The following AUTS2 variants were observed in gnomAD, a reference collection of about 807,000 sequenced individuals.
AUTS2 encodes the protein autism susceptibility gene 2 protein.
Under a neutral mutation model 112.4 loss-of-function variants are expected in AUTS2, and 17 were observed. That is an observed-to-expected ratio of 0.15 (90% confidence interval 0.10 to 0.23). The LOEUF is 0.23. Among genes scored for constraint, AUTS2 ranks in the 10% least tolerant of loss-of-function variants. The pLI, the probability that AUTS2 is intolerant of heterozygous loss-of-function variation, is 1.00. For missense variants in AUTS2, 1,510 were observed against 1,701.6 expected, an observed-to-expected ratio of 0.89 and a Z score of 1.98; for synonymous variants, 751 against 702.7, an observed-to-expected ratio of 1.07 and a Z score of -1.09.
chr7:70,698,772 C>T, intron 6 of AUTS2, 152 bp downstream of exon 6: 1 of 588,452 alleles, frequency 1.7e-6, no homozygotes. Context: ...TGGAAGTCTG[C>T]ATACTTTGTG....
At chr7:70,352,292 A>G (rs1791805069) in intron 4 of AUTS2, among the ~76,000 whole-genome samples, 1 of 152,154 alleles carries the variant, frequency 6.6e-6, no homozygotes, top group Non-Finnish European at 1.5e-5. Flanking sequence ...CTGTCTCTGA[A>G]AATCCTTGCT....
intron 2 of AUTS2, among the ~76,000 whole-genome samples, chr7:70,039,640 C>T (rs1221647206): frequency 1.3e-5 from 2 of 152,164 alleles, no homozygotes; most frequent in East Asian, 1.9e-4. Context: ...TGAATCATTG[C>T]ACCCGGCCTG....
intron 2 of AUTS2, among the ~76,000 whole-genome samples, chr7:70,069,025 TGGG>T (rs2129562083): frequency 6.6e-6 from 1 of 152,286 alleles, no homozygotes; most frequent in East Asian, 1.9e-4. Flanking sequence ...TCTAAAGCAT[TGGG>T]GGACTGACTA....
At chr7:69,973,454 T>C (rs1301236554) in intron 2 of AUTS2, among the ~76,000 whole-genome samples, 1 of 152,182 alleles carries the variant, frequency 6.6e-6, no homozygotes, top group Admixed American at 6.6e-5. Context: ...TGAGTAGAAC[T>C]TCTCATGCGG....
chr7:69,890,711 C>T (rs1346688289), intron 1 of AUTS2, among the ~76,000 whole-genome samples: 3 of 146,708 alleles, frequency 2.0e-5, no homozygotes, highest in Admixed American at 1.4e-4. Context: ...AAAAAAAATA[C>T]GAACTCTACC....
intron 4 of AUTS2, among the ~76,000 whole-genome samples, chr7:70,156,603 T>C (rs1235006179): frequency 2.0e-5 from 3 of 152,072 alleles, no homozygotes; most frequent in Non-Finnish European, 2.9e-5. Context: ...GGTGGTTGTA[T>C]AGTTGAGAAT....
intron 4 of AUTS2, among the ~76,000 whole-genome samples, chr7:70,167,902 G>T (rs1474298177): frequency 6.6e-6 from 1 of 152,116 alleles, no homozygotes; most frequent in Non-Finnish European, 1.5e-5. Context: ...CAGAAGTACA[G>T]TCTAGACTGC....
At chr7:69,942,052 G>C (rs969926434) in intron 2 of AUTS2, among the ~76,000 whole-genome samples, 1 of 152,156 alleles carries the variant, frequency 6.6e-6, no homozygotes, top group Non-Finnish European at 1.5e-5. Context: ...TTGAGAATAC[G>C]TAGAAAATTT....
intron 1 of AUTS2, among the ~76,000 whole-genome samples, chr7:69,752,562 G>T (rs1787785619): frequency 6.6e-6 from 1 of 152,090 alleles, no homozygotes; most frequent in South Asian, 2.1e-4. Context: ...AGTATTTAAG[G>T]TCAGAATCTT....
intron 1 of AUTS2, among the ~76,000 whole-genome samples, chr7:69,828,160 A>AG (rs937406777): frequency 7.9e-5 from 12 of 152,178 alleles, no homozygotes; most frequent in Non-Finnish European, 1.6e-4. Context: ...ACTTGAGTTC[A>AG]GGGGGGTACA....
At chr7:69,708,034 A>G (rs1321453404) in intron 1 of AUTS2, among the ~76,000 whole-genome samples, 1 of 152,098 alleles carries the variant, frequency 6.6e-6, no homozygotes, top group African/African-American at 2.4e-5. Context: ...GTTGCTTTAT[A>G]GGCTGTCTCT....
At chr7:69,873,078 G>C (rs1017337008) in intron 1 of AUTS2, among the ~76,000 whole-genome samples, 2 of 151,614 alleles carry the variant, frequency 1.3e-5, no homozygotes, top group Non-Finnish European at 2.9e-5. Flanking sequence ...CCTGACCTCA[G>C]CTGATCCGCC....
intron 5 of AUTS2, among the ~76,000 whole-genome samples, chr7:70,506,714 G>A (rs948956620): frequency 1.2e-4 from 18 of 152,236 alleles, no homozygotes; most frequent in Non-Finnish European, 1.8e-4. Context: ...CTGGGCTTGT[G>A]GGGACCCCTT....
rs1584724943 is a variant in AUTS2, at chr7:70,102,536, C to T, written c.523-15596C>T. Reference sequence around the variant, plus strand: ...TTATAGTTTCTTTGGTTAGATCACACACACACACACACACGTACGTATATG... The same window carrying T: ...TTATAGTTTCTTTGGTTAGATCACATACACACACACACACGTACGTATATG... On this transcript the variant is annotated intron_variant, in intron 2 of 18. Transcript: ENST00000342771. Among the ~76,000 whole-genome samples the T allele has an allele frequency of 2.0e-5, 3 of 152,016 alleles. No individual in the cohort carries two copies. The East Asian group carries it at 5.8e-4, about 29-fold the overall frequency.
At chr7:69,834,407 A>G (rs1329257723) in intron 1 of AUTS2, among the ~76,000 whole-genome samples, 3 of 152,154 alleles carry the variant, frequency 2.0e-5, no homozygotes, top group African/African-American at 7.2e-5. Context: ...AAGGCAGGCA[A>G]TGTTTCCAGA....
At chr7:70,788,609 C>T (rs997730918) in intron 18 of AUTS2, among the ~76,000 whole-genome samples, 25 of 152,318 alleles carry the variant, frequency 1.6e-4, no homozygotes, top group African/African-American at 2.4e-4. Flanking sequence ...CAGCCCTTTG[C>T]GTGTTTTTCT....
At chr7:70,317,102 G>A (rs1034619475) in intron 4 of AUTS2, 2 of 152,156 alleles carry the variant, frequency 1.3e-5, no homozygotes, top group African/African-American at 4.8e-5. Context: ...AACTCACCAG[G>A]TCACACTGGA....
chr7:69,907,677 A>G (rs944772297), intron 2 of AUTS2, among the ~76,000 whole-genome samples: 2 of 152,244 alleles, frequency 1.3e-5, no homozygotes, highest in Non-Finnish European at 2.9e-5. Flanking sequence ...GGTTGGATCC[A>G]TGGATACAGA....
intron 1 of AUTS2, among the ~76,000 whole-genome samples, chr7:69,680,698 C>T (rs1362666297): frequency 6.6e-6 from 1 of 152,100 alleles, no homozygotes; most frequent in Non-Finnish European, 1.5e-5. Context: ...TTGAGACGGG[C>T]TCTCTGTGTT....
Sources: gnomAD v4.1 joint callset for allele counts (sites outside exome capture counted in the v4.1 genomes callset) on GRCh38, gnomAD v4.1.1 for gene constraint, MANE v1.5 for transcripts, NCBI Gene and HGNC (gene_info 2026-07-23, HGNC 2026-07-21) for gene names.